ZNF180: variants seen among roughly 807,000 people sequenced by gnomAD.
The protein encoded by ZNF180 is zinc finger protein 180.
ZNF180 carries 11 observed loss-of-function variants against 11.8 expected under a neutral mutation model. The observed-to-expected ratio is 0.93, with a 90% confidence interval of 0.59 to 1.55. The LOEUF is 1.55. ZNF180 is among the 40% of genes most tolerant of loss of function. The probability of loss-of-function intolerance (pLI) is 0.00; values close to 1 mark genes in which losing one functional copy is unlikely to be tolerated. For missense variants in ZNF180, 773 were observed against 781.7 expected, an observed-to-expected ratio of 0.99 and a Z score of 0.13; for synonymous variants, 287 against 257.7, an observed-to-expected ratio of 1.11 and a Z score of -1.09.
At chr19:44,491,882 C>CT (rs1305810267) in intron 2 of ZNF180, among the ~76,000 whole-genome samples, 1 of 151,940 alleles carries the variant, frequency 6.6e-6, no homozygotes, top group East Asian at 1.9e-4. Flanking sequence ...CTGGCCTAAA[C>CT]TTTTTTTTGA....
chr19:44,476,666 A>G lies in ZNF180; in HGVS notation c.1734T>C (p.Tyr578=), dbSNP rs1427492263. The G allele has an allele frequency of 6.2e-7, 1 of 1,614,088 alleles. No homozygotes were observed. The highest frequency in any genetic ancestry group is 2.2e-5 in the East Asian group (1 of 44,894). ...AGGACTTCCCACATTGACTGCATTC[A>G]TAGGGCTTTTCTCCAGTATGAGTTC... is the stretch of plus-strand genomic sequence containing the variant. The part of the protein sequence containing the change: ...HQRTHTGEKP[Y]ECSQCGKSFR... The change falls in exon 5 of 5, where the codon TAT becomes TAC. Residue 578 remains tyrosine (Y), a synonymous_variant. Coordinates refer to ENST00000592529, the MANE Select transcript of ZNF180 (RefSeq NM_001278509.3).
intron 1 of ZNF180, among the ~76,000 whole-genome samples, chr19:44,499,451 C>T (rs1042174847): frequency 6.6e-6 from 1 of 152,242 alleles, no homozygotes; most frequent in Non-Finnish European, 1.5e-5. Context: ...GCTGTTGCAG[C>T]TCTGTCCTTC....
rs368791996 is a variant in ZNF180, at chr19:44,495,228, C to T, written c.51+2056G>A. Among the ~76,000 whole-genome samples the T allele has an allele frequency of 6.6e-6, 1 of 152,140 alleles. No homozygotes were observed. The highest frequency in any genetic ancestry group is 1.5e-5 in the Non-Finnish European group (1 of 68,006). ...AGTTCCTCTCCCATTTCCACAATGA[C>T]GCCCTCTCCCTATGGATGCTTTCCC... is the stretch of plus-strand genomic sequence containing the variant. On this transcript the variant is annotated intron_variant, in intron 2 of 4. Coordinates refer to ENST00000592529, the MANE Select transcript of ZNF180 (RefSeq NM_001278509.3). The surrounding 1 kb of genome is among the most constrained non-coding windows in gnomAD (Gnocchi z 4.5).
chr19:44,479,331 G>C lies in ZNF180; in HGVS notation c.205C>G (p.Leu69Val). Residue 69 changes from leucine (L) to valine (V), a missense_variant, in exon 4 of 5, where the codon CTG (leucine) becomes GTG (valine). Leu to Val is a conservative substitution (Grantham distance 32, BLOSUM62 1). Transcript: ENST00000592529. ...QGTCNPAQRT[L>V]DRDVILENHR... ...TTCTCCAGGATCACATCTCTGTCCAGGGTCCTCTGAGCAGGGTTGCAAGTA... is the reference window on the plus strand; with the variant it reads ...TTCTCCAGGATCACATCTCTGTCCACGGTCCTCTGAGCAGGGTTGCAAGTA... 1.2e-6 allele frequency: 2 copies of C among 1,613,998 alleles called. No individual in the cohort carries two copies. Among genetic ancestry groups the C allele is most frequent in the South Asian group, 2.2e-5 (2 of 91,074 alleles).
chr19:44,488,910 G>A (rs1022857681), intron 2 of ZNF180, among the ~76,000 whole-genome samples: 10 of 150,632 alleles, frequency 6.6e-5, no homozygotes, highest in African/African-American at 2.4e-4. Flanking sequence ...CCCTCTGCCT[G>A]GCAACCGCCC....
chr19:44,500,010 T>C (rs1970701699), intron 1 of ZNF180, among the ~76,000 whole-genome samples: 1 of 152,186 alleles, frequency 6.6e-6, no homozygotes, highest in Non-Finnish European at 1.5e-5. Flanking sequence ...CATCAATGCA[T>C]GTGCCCTGTG....
At chr19:44,484,621 C>A in intron 2 of ZNF180, 186 bp from the exon 3 acceptor site, 2 of 604,322 alleles carry the variant, frequency 3.3e-6, no homozygotes, top group Non-Finnish European at 6.0e-6. Flanking sequence ...AGAGGAGATA[C>A]ATGGAGGAGC....
intron 3 of ZNF180, among the ~76,000 whole-genome samples, chr19:44,482,128 A>AG (rs1970096780): frequency 6.6e-6 from 1 of 152,178 alleles, no homozygotes; most frequent in African/African-American, 2.4e-5. Flanking sequence ...CAACATGGTG[A>AG]AACCCTGTCT....
At position 44,480,306 on chromosome 19, in the gene ZNF180, T is replaced by C. The variant is rs1415602567; in HGVS notation, c.127-897A>G. ...ATTTTGTAGAGACAGACCCTCAATA[T>C]ATTGCTTAGGCTGGTCTCAGACTCC... On this transcript the variant is annotated intron_variant, in intron 3 of 4. Coordinates refer to ENST00000592529, the MANE Select transcript of ZNF180 (RefSeq NM_001278509.3). Among the ~76,000 whole-genome samples, 7 of 152,080 alleles carry C rather than the reference T, an allele frequency of 4.6e-5. No homozygotes were observed. The South Asian group carries it at 6.2e-4, about 14-fold the overall frequency.
intron 2 of ZNF180, among the ~76,000 whole-genome samples, chr19:44,496,185 T>G (rs1383567762): frequency 6.6e-6 from 1 of 151,794 alleles, no homozygotes; most frequent in Non-Finnish European, 1.5e-5. Context: ...TCCTGGCTAA[T>G]TTTTAAAATT....
chr19:44,484,818 T>A (rs999498982), intron 2 of ZNF180: 4 of 219,218 alleles, frequency 1.8e-5, no homozygotes, highest in Non-Finnish European at 3.6e-5. Context: ...GAATACAGCA[T>A]AACCAATGCC....
Position 44,497,265 on chromosome 19 carries a change from G to A in ZNF180, c.51+19C>T. The A allele has an allele frequency of 6.5e-7, 1 of 1,548,184 alleles. No individual in the cohort carries two copies. Among genetic ancestry groups the A allele is most frequent in the South Asian group, 1.2e-5 (1 of 83,128 alleles). ...AGGGTCAGGCTGCAGACAGACCCAAGCTCTGGGTCTCCACTCACCTGTGCA... is the reference window on the plus strand; with the variant it reads ...AGGGTCAGGCTGCAGACAGACCCAAACTCTGGGTCTCCACTCACCTGTGCA... On this transcript the variant is annotated intron_variant, in intron 2 of 4. Transcript: ENST00000592529.
At chr19:44,496,672 C>CAAAAAAAAAAAA (rs55678572) in intron 2 of ZNF180, 28 of 71,596 alleles carry the variant, frequency 3.9e-4, no homozygotes, top group East Asian at 2.2e-3. Context: ...GACTCTGTCT[C>CAAAAAAAAAAAA]AAAAAAAAAA....
chr19:44,496,829 TAA>T (rs1167343561), intron 2 of ZNF180, among the ~76,000 whole-genome samples: 2 of 152,180 alleles, frequency 1.3e-5, no homozygotes, highest in Non-Finnish European at 2.9e-5. Flanking sequence ...TATCTCTTTT[TAA>T]AAAGTGATGA....
rs2123524379 is a variant in ZNF180, at chr19:44,500,362, G to A, written c.-131C>T. The A allele has an allele frequency of 7.9e-7, 1 of 1,270,516 alleles. No individual in the cohort carries two copies. The highest frequency in any genetic ancestry group is 1.1e-6 in the Non-Finnish European group (1 of 883,374). The allele number at this position is 1,270,516 out of a possible 1,614,324, so 78.7% of individuals were successfully genotyped here. ...TCTGCGGCAGGACGAACTCGGGTTA[G>A]GCAACCCCCTGCCCCGATTCTGCAA... is the stretch of plus-strand genomic sequence containing the variant. On this transcript the variant is annotated 5_prime_UTR_variant, in exon 1 of 5. Transcript: ENST00000592529.
At chr19:44,494,822 T>A (rs1346025711) in intron 2 of ZNF180, among the ~76,000 whole-genome samples, 1 of 152,190 alleles carries the variant, frequency 6.6e-6, no homozygotes, top group East Asian at 1.9e-4. Flanking sequence ...TCAATGCTAT[T>A]TGTAACAGCA....
chr19:44,500,303 C>T lies in ZNF180; in HGVS notation c.-72G>A, dbSNP rs557210597. 2.5e-3 allele frequency: 4,077 copies of T among 1,603,842 alleles called. 20 individuals carry two copies. The highest frequency in any genetic ancestry group is 7.3e-3 in the South Asian group (666 of 90,826). ...GGCGTCCGCTGGCCCGCAGCCCAGG[C>T]TGGGCCTGTCACCGCCTCAGTGCCT... On this transcript the variant is annotated 5_prime_UTR_variant, in exon 1 of 5. Coordinates refer to ENST00000592529, the MANE Select transcript of ZNF180 (RefSeq NM_001278509.3).
Position 44,477,381 on chromosome 19 carries a change from T to C in ZNF180, c.1019A>G (p.His340Arg). Residue 340 changes from histidine (H) to arginine (R), a missense_variant, in exon 5 of 5, where the codon CAT becomes CGT. Transcript: ENST00000592529. ...GTGAGTTCTCTGATGTGCAACAAGATGCGAGCTCCAGCTGAAGGATTTCCC... is the reference window on the plus strand; with the variant it reads ...GTGAGTTCTCTGATGTGCAACAAGACGCGAGCTCCAGCTGAAGGATTTCCC... Reference protein sequence around the residue: ...QCGKSFSWSSHLVAHQRTHTG... With the variant: ...QCGKSFSWSSRLVAHQRTHTG... The C allele has an allele frequency of 1.2e-6, 2 of 1,614,130 alleles. No individual in the cohort carries two copies. Among genetic ancestry groups the C allele is most frequent in the Non-Finnish European group, 1.7e-6 (2 of 1,180,002 alleles).
At chr19:44,497,220 C>A in intron 2 of ZNF180, 64 bp downstream of exon 2, 1 of 1,433,714 alleles carries the variant, frequency 7.0e-7, no homozygotes. Context: ...CAGGGAGGAG[C>A]CACAGCCTCC....
Sources: gnomAD v4.1 joint callset for allele counts (sites outside exome capture counted in the v4.1 genomes callset) on GRCh38, gnomAD v4.1.1 for gene constraint, Gnocchi (gnomAD v3.1) non-coding constraint, MANE v1.5 for transcripts, NCBI Gene and HGNC (gene_info 2026-07-23, HGNC 2026-07-21) for gene names.